The following PANK3 variants were observed in gnomAD, a reference collection of about 807,000 sequenced individuals.
The protein encoded by PANK3 is pantothenate kinase 3, also known as hPanK3.
PANK3 carries 20 observed loss-of-function variants against 39.4 expected under a neutral mutation model. The observed-to-expected ratio is 0.51, with a 90% confidence interval of 0.36 to 0.74. The LOEUF (loss-of-function observed/expected upper bound fraction) is 0.74. PANK3 is among the 30% of genes least tolerant of loss of function. The pLI, the probability that PANK3 is intolerant of heterozygous loss-of-function variation, is 0.00. For missense variants in PANK3, 265 were observed against 437.0 expected (o/e 0.61, Z 3.51); for synonymous variants, 140 against 157.3 (o/e 0.89, Z 0.82).
chr5:168,553,105 G>C lies in PANK3; in HGVS notation c.*4466C>G. ...AATGAGCAAAAACTTACGACTTCCAGGGCAAAATGGAAGGGCTACACTTTA... is the reference window on the plus strand; with the variant it reads ...AATGAGCAAAAACTTACGACTTCCACGGCAAAATGGAAGGGCTACACTTTA... On this transcript the variant is annotated 3_prime_UTR_variant, in exon 7 of 7. Coordinates refer to ENST00000239231, the MANE Select transcript of PANK3 (RefSeq NM_024594.4). 2.3e-6 allele frequency: 1 copy of C among 431,564 alleles called. No individual in the cohort carries two copies. The highest frequency in any genetic ancestry group is 5.7e-5 in the East Asian group (1 of 17,524). 26.7% of individuals were successfully genotyped at this position (431,564 alleles called of 1,614,324 possible). A position where few individuals can be genotyped will look rare whatever the true frequency, so the allele number is the denominator to read the frequency against.
At position 168,549,351 on chromosome 5, in the gene PANK3, G is replaced by A. The variant is rs1257678596; in HGVS notation, c.*8220C>T. 1.3e-5 allele frequency: 2 copies of A among 152,008 alleles called. No individual in the cohort carries two copies. Among genetic ancestry groups the A allele is most frequent in the African/African-American group, 2.4e-5 (1 of 41,372 alleles). The allele number at this position is 152,008 out of a possible 1,614,324, so 9.4% of individuals were successfully genotyped here. A position where few individuals can be genotyped will look rare whatever the true frequency, so the allele number is the denominator to read the frequency against. On this transcript the variant is annotated 3_prime_UTR_variant, in exon 7 of 7. Transcript: ENST00000239231. ...TATTGACTGAGCCAGGTACAACATC[G>A]ATGAAATTCAGACATACAATGTAAA... is the stretch of plus-strand genomic sequence containing the variant.
At position 168,566,245 on chromosome 5, in the gene PANK3, T is replaced by G; in HGVS notation, c.403A>C (p.Lys135Gln). 6.2e-7 allele frequency: 1 copy of G among 1,604,556 alleles called. No homozygotes were observed. The highest frequency in any genetic ancestry group is 8.5e-7 in the Non-Finnish European group (1 of 1,172,356). Residue 135 changes from lysine (K) to glutamine (Q), a missense_variant, in exon 3 of 7, where the codon AAA becomes CAA. Lys to Gln is a moderately conservative substitution (Grantham distance 53, BLOSUM62 1). This residue lies in a region of PANK3 where 154 missense variants were observed against 256.8 expected (regional missense o/e 0.60). Coordinates refer to ENST00000239231, the MANE Select transcript of PANK3 (RefSeq NM_024594.4). ...FRTIGNLHLH[K>Q]LDELDCLVKG... ...ACAAGGCAGTCAAGTTCATCCAGTTTGTGCAGGTGGAGGTTTCCAATCTGT... is the reference window on the plus strand; with the variant it reads ...ACAAGGCAGTCAAGTTCATCCAGTTGGTGCAGGTGGAGGTTTCCAATCTGT...
chr5:168,574,425 A>G (rs1759698997), intron 1 of PANK3, among the ~76,000 whole-genome samples: 1 of 152,216 alleles, frequency 6.6e-6, no homozygotes, highest in African/African-American at 2.4e-5. Flanking sequence ...TATCTACAAA[A>G]TACTTATGAT....
Position 168,579,256 on chromosome 5 carries a change from A to T in PANK3, c.28T>A (p.Ser10Thr). Residue 10 changes from serine to threonine, a missense_variant and splice_region_variant, in exon 1 of 7, where the codon TCT becomes ACT. Transcript: ENST00000239231. ...TGGCGGGCCCCAGCCCCCGTCTTAC[A>T]GGGTTTCTTGGCATCTTTGATCTTC... MKIKDAKKP[S>T]FPWFGMDIGG... 1 of 1,498,822 alleles carries T rather than the reference A, an allele frequency of 6.7e-7. No individual in the cohort carries two copies. The highest frequency in any genetic ancestry group is 1.8e-4 in the Middle Eastern group (1 of 5,616). The allele number at this position is 1,498,822 out of a possible 1,614,324, so 92.8% of individuals were successfully genotyped here. A position where few individuals can be genotyped will look rare whatever the true frequency, so the allele number is the denominator to read the frequency against.
At chr5:168,575,816 G>C (rs1303213443) in intron 1 of PANK3, among the ~76,000 whole-genome samples, 1 of 151,834 alleles carries the variant, frequency 6.6e-6, no homozygotes, top group East Asian at 1.9e-4. Context: ...AAATAGGGGA[G>C]GGGGGAGATA....
rs1234218770 is a variant in PANK3 at position 168,552,388 on chromosome 5, C to G, written c.*5183G>C. The stretch of plus-strand genomic sequence containing the variant: ...GTGGTCTACTGGAAAGATTCAGGTC[C>G]CCTAAGAGAACTTGGCATAGTACCA... On this transcript the variant is annotated 3_prime_UTR_variant, in exon 7 of 7. Transcript: ENST00000239231. 6.6e-6 allele frequency: 1 copy of G among 152,130 alleles called. No homozygotes were observed. Among genetic ancestry groups the G allele is most frequent in the Admixed American group, 6.6e-5 (1 of 15,256 alleles). The allele number at this position is 152,130 out of a possible 1,614,324, so 9.4% of individuals were successfully genotyped here.
intron 3 of PANK3, among the ~76,000 whole-genome samples, 180 bp from the exon 4 acceptor site, chr5:168,564,245 A>T (rs563113097): frequency 1.3e-5 from 2 of 152,282 alleles, no homozygotes; most frequent in South Asian, 4.1e-4. Context: ...CAAACTTGTT[A>T]GATCAAAGAA....
intron 6 of PANK3, among the ~76,000 whole-genome samples, chr5:168,557,908 T>A (rs938338947): frequency 5.3e-5 from 8 of 152,278 alleles, no homozygotes; most frequent in African/African-American, 1.9e-4. Context: ...GGTCCTCCCA[T>A]CTCAGCCTCT....
rs1404309655 is a variant in PANK3, at chr5:168,555,614, T to TACAAAAAATTAGGAGA, written c.*1941_*1956dup. The stretch of plus-strand genomic sequence containing the variant: ...TGTTAACATTTCAACATGTAATCAA[T>TACAAAAAATTAGGAGA]ACAAAAAATTAGGAGATATTTAACC... On this transcript the variant is annotated 3_prime_UTR_variant, in exon 7 of 7. Coordinates refer to ENST00000239231, the MANE Select transcript of PANK3 (RefSeq NM_024594.4). 6.6e-6 allele frequency: 1 copy of TACAAAAAATTAGGAGA among 152,230 alleles called. No homozygotes were observed. The highest frequency in any genetic ancestry group is 2.4e-5 in the African/African-American group (1 of 41,466). 9.4% of individuals were successfully genotyped at this position (152,230 alleles called of 1,614,324 possible). A position where few individuals can be genotyped will look rare whatever the true frequency, so the allele number is the denominator to read the frequency against.
Position 168,566,219 on chromosome 5 carries a change from T to C in PANK3, c.429A>G (p.Val143=). The change falls in exon 3 of 7, where the codon GTA becomes GTG. Residue 143 remains valine (V), a synonymous_variant. Transcript: ENST00000239231. The part of the protein sequence containing the change: ...LHKLDELDCL[V]KGLLYIDSVS... ...CAGAGTCTATATACAGCAAGCCCTT[T>C]ACAAGGCAGTCAAGTTCATCCAGTT... 1.2e-6 allele frequency: 2 copies of C among 1,612,556 alleles called. No homozygotes were observed. The highest frequency in any genetic ancestry group is 2.2e-5 in the South Asian group (2 of 91,036).
chr5:168,576,669 C>T (rs1270736610), intron 1 of PANK3, among the ~76,000 whole-genome samples: 1 of 151,714 alleles, frequency 6.6e-6, no homozygotes, highest in East Asian at 1.9e-4. Context: ...AATGTGAAGC[C>T]AAGGTCACTT....
chr5:168,558,450 C>T (rs1582460951), intron 6 of PANK3, among the ~76,000 whole-genome samples: 1 of 152,030 alleles, frequency 6.6e-6, no homozygotes, highest in Non-Finnish European at 1.5e-5. Flanking sequence ...AGGCATGAGC[C>T]ACCGCACCCG....
chr5:168,563,418 C>G (rs939400812), intron 4 of PANK3, among the ~76,000 whole-genome samples: 5 of 152,160 alleles, frequency 3.3e-5, no homozygotes, highest in African/African-American at 1.2e-4. Context: ...CAGGCACTTT[C>G]ATTTACCGCT....
At chr5:168,560,966 G>T in intron 5 of PANK3, 2 of 508,872 alleles carry the variant, frequency 3.9e-6, no homozygotes, top group Admixed American at 2.0e-5. Flanking sequence ...AAGAAGCCGA[G>T]GGCAGTAAGA....
rs1382069404 is a variant in PANK3, at chr5:168,564,060, C to A, written c.641G>T (p.Gly214Val). 4.4e-6 allele frequency: 7 copies of A among 1,591,498 alleles called. No individual in the cohort carries two copies. Among genetic ancestry groups the A allele is most frequent in the Non-Finnish European group, 6.0e-6 (7 of 1,173,264 alleles). The change falls in exon 4 of 7, where the codon GGA becomes GTA. Residue 214 changes from glycine (G) to valine (V), a missense_variant. Physicochemically the swap from Gly to Val is moderately radical, Grantham distance 109. Coordinates refer to ENST00000239231, the MANE Select transcript of PANK3 (RefSeq NM_024594.4). ...GCATAAACCCAGAAAGGTACCCCCTCCAAGGCTAAAGAAAATAAAGAAACT... is the reference window on the plus strand; with the variant it reads ...GCATAAACCCAGAAAGGTACCCCCTACAAGGCTAAAGAAAATAAAGAAACT... ...NYKRVTGTSL[G>V]GGTFLGLCSL...
intron 6 of PANK3, among the ~76,000 whole-genome samples, 173 bp downstream of exon 6, chr5:168,558,859 C>T (rs1759396854): frequency 6.6e-6 from 1 of 152,128 alleles, no homozygotes; most frequent in South Asian, 2.1e-4. Flanking sequence ...GTGGTGCATA[C>T]CTGTGGTCCC....
At chr5:168,564,366 ATTG>A (rs1325991560) in intron 3 of PANK3, among the ~76,000 whole-genome samples, 1 of 152,222 alleles carries the variant, frequency 6.6e-6, no homozygotes, top group Non-Finnish European at 1.5e-5. Flanking sequence ...CCAAAGATAA[ATTG>A]TTGTGTGTGC....
At chr5:168,559,743 T>C (rs2113107638) in intron 5 of PANK3, among the ~76,000 whole-genome samples, 1 of 152,200 alleles carries the variant, frequency 6.6e-6, no homozygotes, top group East Asian at 1.9e-4. Context: ...ATGCATTTAG[T>C]TGATAAGTAG....
chr5:168,562,814 A>G (rs1364619299), intron 4 of PANK3, among the ~76,000 whole-genome samples: 1 of 152,186 alleles, frequency 6.6e-6, no homozygotes, highest in Non-Finnish European at 1.5e-5. Flanking sequence ...TGTAATAGAG[A>G]AAATGTTTGC....
Sources: gnomAD v4.1 joint callset for allele counts (sites outside exome capture counted in the v4.1 genomes callset) on GRCh38, gnomAD v4.1.1 for gene constraint, gnomAD v4.1.1 regional missense constraint, MANE v1.5 for transcripts, NCBI Gene and HGNC (gene_info 2026-07-23, HGNC 2026-07-21) for gene names.